The following ZC3H7B variants were observed in gnomAD, a reference collection of about 807,000 sequenced individuals.
The protein encoded by ZC3H7B is zinc finger CCCH domain-containing protein 7B.
Under a neutral mutation model 116.0 loss-of-function variants are expected in ZC3H7B, and 35 were observed. The observed-to-expected ratio is 0.30, with a 90% CI of 0.23 to 0.40. ZC3H7B has a LOEUF of 0.40. Among genes scored for constraint, ZC3H7B ranks in the 10% least tolerant of loss-of-function variants. The probability of loss-of-function intolerance (pLI) is 1.00; values close to 1 mark genes in which losing one functional copy is unlikely to be tolerated. For synonymous variants in ZC3H7B, 502 were observed against 545.6 expected (o/e 0.92, Z 1.11); for missense variants, 1,011 against 1,321.5 (o/e 0.77, Z 3.64).
In ZC3H7B at chr22:41,327,290, C is replaced by T. The variant is rs749675753; in HGVS notation, c.370C>T (p.Arg124Cys). 10 of 1,613,950 alleles carry T rather than the reference C, an allele frequency of 6.2e-6. No homozygotes were observed. Among genetic ancestry groups the T allele is most frequent in the East Asian group, 4.5e-5 (2 of 44,888 alleles). The change falls in exon 5 of 23, where the codon CGC (arginine) becomes TGC (cysteine). Residue 124 changes from arginine (R) to cysteine (C), a missense_variant. Transcript: ENST00000352645. This position sits in a 1 kb window ranked among gnomAD's most constrained non-coding sequence, Gnocchi z 4.5. ...ESIRALFRKA[R>C]ALNELGRHKE... Reference sequence around the variant, plus strand: ...TATCCGGGCGTTGTTCCGCAAGGCACGCGCTCTCAATGAACTGGGACGCCA... The same window carrying T: ...TATCCGGGCGTTGTTCCGCAAGGCATGCGCTCTCAATGAACTGGGACGCCA...
At chr22:41,332,705 G>A (rs768218437) in intron 7 of ZC3H7B, 24 of 155,724 alleles carry the variant, frequency 1.5e-4, no homozygotes, top group Non-Finnish European at 7.1e-5. Flanking sequence ...GGGAGGGGCA[G>A]CCGAGACTGA....
chr22:41,332,999 C>A (rs1330538523), intron 7 of ZC3H7B: 1 of 152,212 alleles, frequency 6.6e-6, no homozygotes. Flanking sequence ...CGACTGAGAC[C>A]CCTGCCCGCT....
At position 41,307,954 on chromosome 22, in the gene ZC3H7B, A is replaced by C. The variant is rs966149614; in HGVS notation, c.-7+6182A>C. Among the ~76,000 whole-genome samples, 5 of 152,098 alleles carry C rather than the reference A, an allele frequency of 3.3e-5. No individual in the cohort carries two copies. The South Asian group carries it at 6.2e-4, about 19-fold the overall frequency. ...AATCTGGAAATCCTAACTACCACCA[A>C]CATTTGTGTCCTGCTGTGTCCACAG... On this transcript the variant is annotated intron_variant, in intron 1 of 22. Coordinates refer to ENST00000352645, the MANE Select transcript of ZC3H7B (RefSeq NM_017590.6).
intron 7 of ZC3H7B, chr22:41,336,464 C>T (rs1450696078): frequency 6.6e-6 from 1 of 151,912 alleles, no homozygotes; most frequent in Non-Finnish European, 1.5e-5. Flanking sequence ...GATATCGAGA[C>T]CATCCTGGCT....
At position 41,301,781 on chromosome 22, in the gene ZC3H7B, T is replaced by C. The variant is rs1276005424; in HGVS notation, c.-7+9T>C. 6.6e-6 allele frequency: 1 copy of C among 151,808 alleles called. No homozygotes were observed. The highest frequency in any genetic ancestry group is 2.4e-5 in the African/African-American group (1 of 41,366). The allele number at this position is 151,808 out of a possible 1,614,324, so 9.4% of individuals were successfully genotyped here. The stretch of plus-strand genomic sequence containing the variant: ...AGCGCAGCCCGGCGGAGGTGAGTGC[T>C]TGGCGCGGCCCGAGCCCCGCGGGGC... On this transcript the variant is annotated intron_variant, in intron 1 of 22. Coordinates refer to ENST00000352645, the MANE Select transcript of ZC3H7B (RefSeq NM_017590.6).
intron 5 of ZC3H7B, among the ~76,000 whole-genome samples, chr22:41,328,835 G>C (rs753597547): frequency 2.9e-4 from 44 of 151,950 alleles, no homozygotes; most frequent in Non-Finnish European, 5.7e-4. Flanking sequence ...GCAGGAGATT[G>C]TTTGGCGATA....
intron 7 of ZC3H7B, among the ~76,000 whole-genome samples, chr22:41,337,951 T>G (rs1442304405): frequency 1.3e-5 from 2 of 150,590 alleles, no homozygotes; most frequent in Non-Finnish European, 2.9e-5. Flanking sequence ...CACTGCAACA[T>G]CCACCTCCTG....
At chr22:41,340,342 A>G (rs2145929525) in intron 10 of ZC3H7B, among the ~76,000 whole-genome samples, 1 of 152,016 alleles carries the variant, frequency 6.6e-6, no homozygotes, top group Non-Finnish European at 1.5e-5. Flanking sequence ...GTCTTGTTCA[A>G]GATCAAGCAG....
chr22:41,326,357 C>T (rs2036318519), intron 4 of ZC3H7B, among the ~76,000 whole-genome samples: 1 of 151,744 alleles, frequency 6.6e-6, no homozygotes, highest in African/African-American at 2.4e-5. Flanking sequence ...ACTGTTCCTC[C>T]CATAGCCTCA....
In ZC3H7B at chr22:41,327,513, C is replaced by G. The variant is rs2036333731; in HGVS notation, c.444+149C>G. The G allele has an allele frequency of 9.2e-7, 1 of 1,085,156 alleles. No homozygotes were observed. 67.2% of individuals were successfully genotyped at this position (1,085,156 alleles called of 1,614,324 possible). A position where few individuals can be genotyped will look rare whatever the true frequency, so the allele number is the denominator to read the frequency against. On this transcript the variant is annotated intron_variant, in intron 5 of 22. Coordinates refer to ENST00000352645, the MANE Select transcript of ZC3H7B (RefSeq NM_017590.6). The surrounding 1 kb of genome is among the most constrained non-coding windows in gnomAD (Gnocchi z 4.5). ...ATGCAGATCCTGATGTTAACACTAG[C>G]TCCCATTCTCTGAGCGCTGACTGGG...
In ZC3H7B at chr22:41,340,108, G is replaced by T; in HGVS notation, c.1109G>T (p.Gly370Val). ...DALDSFGSTR[G>V]SLDKPDSFME... ...CTCGACAGCTTTGGGTCGACACGAG[G>T]CTCCCTGGACAAACCTGACTCCTTC... The change falls in exon 10 of 23, where the codon GGC becomes GTC. Residue 370 changes from glycine (G) to valine (V), a missense_variant. By Grantham distance (109) the Gly-to-Val change is moderately radical (BLOSUM62 -3). This residue lies in a region of ZC3H7B where 99 missense variants were observed against 89.5 expected (regional missense o/e 1.11). Coordinates refer to ENST00000352645, the MANE Select transcript of ZC3H7B (RefSeq NM_017590.6). 1 of 1,610,454 alleles carries T rather than the reference G, an allele frequency of 6.2e-7. No individual in the cohort carries two copies. Among genetic ancestry groups the T allele is most frequent in the Non-Finnish European group, 8.5e-7 (1 of 1,179,024 alleles).
intron 6 of ZC3H7B, 71 bp downstream of exon 6, chr22:41,330,174 G>A (rs1161209828): frequency 1.6e-5 from 24 of 1,524,912 alleles, no homozygotes; most frequent in Admixed American, 9.0e-5. Flanking sequence ...ACCAGGCTCC[G>A]TGGGGAAGGT....
chr22:41,336,299 G>GGGTGGATCATT (rs2036446355), intron 7 of ZC3H7B: 1 of 152,220 alleles, frequency 6.6e-6, no homozygotes, highest in Non-Finnish European at 1.5e-5. Flanking sequence ...AGGCCAAGGC[G>GGGTGGATCATT]GGTGGATCAT....
intron 14 of ZC3H7B, among the ~76,000 whole-genome samples, chr22:41,347,623 G>T (rs546630605): frequency 6.6e-6 from 1 of 152,138 alleles, no homozygotes; most frequent in Admixed American, 6.5e-5. Context: ...GGCAGGGTTT[G>T]GTGCCGCTCA....
Position 41,346,214 on chromosome 22 carries a change from GCCCA to G in ZC3H7B, c.1665+16_1665+19del. ...TCTTCACCTTCCTCTGCGAGGTACT[GCCCA>G]CCCACCCACTGCCACCCCATAGGCC... On this transcript the variant is annotated splice_region_variant and intron_variant, in intron 14 of 22. Transcript: ENST00000352645. The surrounding 1 kb of genome is among the most constrained non-coding windows in gnomAD (Gnocchi z 5.3). 6.2e-7 allele frequency: 1 copy of G among 1,608,086 alleles called. No individual in the cohort carries two copies. The highest frequency in any genetic ancestry group is 8.5e-7 in the Non-Finnish European group (1 of 1,179,706).
chr22:41,327,226 G>A lies in ZC3H7B; in HGVS notation c.306G>A (p.Leu102=). The A allele has an allele frequency of 6.2e-7, 1 of 1,613,984 alleles. No individual in the cohort carries two copies. Among genetic ancestry groups the A allele is most frequent in the Non-Finnish European group, 8.5e-7 (1 of 1,180,034 alleles). The part of the protein sequence containing the change: ...YFTMGLYEKA[L]EDSEKALGLD... ...GGCAGGGCCTGTATGAGAAGGCGCT[G>A]GAGGACAGCGAGAAGGCGCTGGGCC... is the stretch of plus-strand genomic sequence containing the variant. The change falls in exon 5 of 23, where the codon CTG becomes CTA. Residue 102 remains leucine, a synonymous_variant. Transcript: ENST00000352645. This position sits in a 1 kb window ranked among gnomAD's most constrained non-coding sequence, Gnocchi z 4.5.
At position 41,346,116 on chromosome 22, in the gene ZC3H7B, C is replaced by T. The variant is rs1044409149; in HGVS notation, c.1573C>T (p.Leu525Phe). ...ERKGTLNRDL[L>F]FDPLGGVKRG... is the part of the protein sequence containing the mutation. ...GAAGGGCACCCTCAACCGCGACCTG[C>T]TCTTCGACCCGCTGGGGGGTGTTAA... The change falls in exon 14 of 23, where the codon CTC becomes TTC. Residue 525 changes from leucine to phenylalanine, a missense_variant. Leu to Phe is a conservative substitution (Grantham distance 22, BLOSUM62 0). This residue lies in a region of ZC3H7B where 179 missense variants were observed against 178.5 expected (regional missense o/e 1.00). Coordinates refer to ENST00000352645, the MANE Select transcript of ZC3H7B (RefSeq NM_017590.6). This position sits in a 1 kb window ranked among gnomAD's most constrained non-coding sequence, Gnocchi z 5.3. The T allele has an allele frequency of 6.2e-7, 1 of 1,613,758 alleles. No individual in the cohort carries two copies. Among genetic ancestry groups the T allele is most frequent in the Admixed American group, 1.7e-5 (1 of 60,032 alleles).
At chr22:41,337,093 A>G (rs950486766) in intron 7 of ZC3H7B, among the ~76,000 whole-genome samples, 4 of 151,520 alleles carry the variant, frequency 2.6e-5, no homozygotes, top group Non-Finnish European at 3.0e-5. Flanking sequence ...CCAAGATCGC[A>G]CCATTGCACT....
chr22:41,305,298 G>A (rs1005832052), intron 1 of ZC3H7B, among the ~76,000 whole-genome samples: 1 of 149,464 alleles, frequency 6.7e-6, no homozygotes, highest in African/African-American at 2.5e-5. Flanking sequence ...TGAGCCGAGC[G>A]CTCCACTGCA....
Sources: gnomAD v4.1 joint callset for allele counts (sites outside exome capture counted in the v4.1 genomes callset) on GRCh38, gnomAD v4.1.1 for gene constraint, gnomAD v4.1.1 regional missense constraint, Gnocchi (gnomAD v3.1) non-coding constraint, MANE v1.5 for transcripts, NCBI Gene and HGNC (gene_info 2026-07-23, HGNC 2026-07-21) for gene names.